The following LONP1 variants were observed in gnomAD, a reference collection of about 807,000 sequenced individuals.
LONP1 encodes lon peptidase 1, mitochondrial.
A neutral mutation model predicts 98.5 loss-of-function variants in LONP1; 31 were observed. The ratio of observed to expected loss-of-function variants is 0.31; its 90% CI spans 0.24 to 0.42. The LOEUF (loss-of-function observed/expected upper bound fraction) is 0.42, where lower values mean the gene tolerates loss of function less well. Ranked by LOEUF, LONP1 falls within the 20% of genes least tolerant of loss-of-function variation. LONP1 has a pLI of 1.00. For missense variants in LONP1, 1,336 were observed against 1,350.6 expected (o/e 0.99, Z 0.17); for synonymous variants, 781 against 594.7 (o/e 1.31, Z -4.56).
intron 15 of LONP1, 57 bp downstream of exon 15, chr19:5,694,330 T>C (rs2054884605): frequency 2.5e-6 from 4 of 1,597,494 alleles, no homozygotes; most frequent in Non-Finnish European, 3.4e-6. Context: ...TGGGACCTGC[T>C]TGTTCTCGGG....
intron 1 of LONP1, among the ~76,000 whole-genome samples, chr19:5,716,647 G>A (rs1180359015): frequency 6.6e-6 from 1 of 151,202 alleles, no homozygotes; most frequent in Non-Finnish European, 1.5e-5. Flanking sequence ...TGTTTGTTTA[G>A]AGACAGAACG....
At chr19:5,696,633 G>A (rs1471009517) in intron 11 of LONP1, 37 bp downstream of exon 11, 6 of 1,520,924 alleles carry the variant, frequency 3.9e-6, no homozygotes, top group African/African-American at 1.4e-5. Context: ...ACACGGCATT[G>A]CCGGGTTAGG....
Position 5,696,777 on chromosome 19 carries a change from TC to T in LONP1, c.1686-21del. 1 of 1,579,982 alleles carries T rather than the reference TC, an allele frequency of 6.3e-7. No homozygotes were observed. ...GTCCGCCTGTGGGTGCACAGCGGGG[TC>T]AGAGGTCACTTGGTAGCCTGGCTCG... On this transcript the variant is annotated intron_variant, in intron 10 of 17. Transcript: ENST00000360614.
At position 5,707,040 on chromosome 19, in the gene LONP1, C is replaced by T. The variant is rs781081825; in HGVS notation, c.1146+20G>A. 9.2e-5 allele frequency: 147 copies of T among 1,598,434 alleles called. No homozygotes were observed. The East Asian group carries it at 9.6e-4, about 10-fold the overall frequency. On this transcript the variant is annotated intron_variant, in intron 7 of 17. Transcript: ENST00000360614. ...AGGGGAAGGCCCCCAAGAGTGGCTG[C>T]GCCTCAGCCGCGGGCTCACCTCCCG...
chr19:5,695,892 G>A (rs1377015277), intron 13 of LONP1, among the ~76,000 whole-genome samples, 162 bp downstream of exon 13: 2 of 152,116 alleles, frequency 1.3e-5, no homozygotes, highest in African/African-American at 4.8e-5. Flanking sequence ...GCAGCTGCTC[G>A]CAAGCGTCTG....
In LONP1 at chr19:5,705,987, C is replaced by T. The variant is rs1392758235; in HGVS notation, c.1152G>A (p.Glu384=). The change falls in exon 8 of 18, where the codon GAG becomes GAA. Residue 384 remains glutamate (E), a synonymous_variant. Transcript: ENST00000360614. ...KLQQRLGREV[E]EKIKQTHRKY... is the part of the protein sequence containing the mutation. Reference sequence around the variant, plus strand: ...TACGGTGGGTCTGCTTGATCTTCTCCTCCACCTGTGGGGTGAGGTGCTGCC... The same window carrying T: ...TACGGTGGGTCTGCTTGATCTTCTCTTCCACCTGTGGGGTGAGGTGCTGCC... The T allele has an allele frequency of 1.2e-6, 2 of 1,611,122 alleles. No homozygotes were observed. Among genetic ancestry groups the T allele is most frequent in the Admixed American group, 1.7e-5 (1 of 59,982 alleles).
At chr19:5,695,070 A>G (rs909175345) in intron 13 of LONP1, among the ~76,000 whole-genome samples, 169 bp from the exon 14 acceptor site, 4 of 151,994 alleles carry the variant, frequency 2.6e-5, no homozygotes, top group Non-Finnish European at 5.9e-5. Context: ...CACCATGCCC[A>G]GAGGCCCCAG....
intron 4 of LONP1, among the ~76,000 whole-genome samples, chr19:5,710,173 T>TCTG (rs2055215195): frequency 6.7e-6 from 1 of 150,314 alleles, no homozygotes; most frequent in African/African-American, 2.4e-5. Context: ...AACCTCTGCC[T>TCTG]CCCAGGTTCA....
chr19:5,699,268 T>C, intron 9 of LONP1, 63 bp from the exon 10 acceptor site: 1 of 1,318,906 alleles, frequency 7.6e-7, no homozygotes, highest in Non-Finnish European at 1.0e-6. Context: ...CGCGCATGAC[T>C]CTCGCCACCT....
chr19:5,700,676 C>T (rs555313139), intron 9 of LONP1, 113 bp downstream of exon 9: 4 of 1,437,686 alleles, frequency 2.8e-6, no homozygotes, highest in African/African-American at 1.4e-5. Context: ...CCAGCACCCC[C>T]AGGCCTACGA....
chr19:5,709,964 G>A (rs2055211364), intron 4 of LONP1, among the ~76,000 whole-genome samples: 2 of 148,564 alleles, frequency 1.3e-5, no homozygotes, highest in Non-Finnish European at 3.0e-5. Flanking sequence ...AAGGGGTCTT[G>A]CCAGTTCTAA....
chr19:5,702,647 G>A (rs1406584063), intron 8 of LONP1, among the ~76,000 whole-genome samples: 2 of 152,254 alleles, frequency 1.3e-5, no homozygotes, highest in Admixed American at 1.3e-4. Context: ...GTAGACATGA[G>A]AGACTTTTCA....
At chr19:5,693,188 C>G in intron 17 of LONP1, 110 bp downstream of exon 17, 2 of 1,375,554 alleles carry the variant, frequency 1.5e-6, no homozygotes, top group African/African-American at 1.4e-5. Flanking sequence ...TTCCAAAGCC[C>G]AGGGCTTCCC....
intron 10 of LONP1, 76 bp from the exon 11 acceptor site, chr19:5,696,833 C>T (rs777943166): frequency 3.0e-6 from 3 of 993,804 alleles, no homozygotes; most frequent in Non-Finnish European, 4.6e-6. Context: ...CCCTCCAGGG[C>T]CACAGGGGAG....
At chr19:5,710,320 C>G (rs1421898700) in intron 4 of LONP1, among the ~76,000 whole-genome samples, 1 of 151,910 alleles carries the variant, frequency 6.6e-6, no homozygotes, top group African/African-American at 2.4e-5. Flanking sequence ...AACTCCTGAC[C>G]TCAGGTGATC....
intron 8 of LONP1, among the ~76,000 whole-genome samples, chr19:5,702,420 G>T (rs559611406): frequency 6.7e-6 from 1 of 148,842 alleles, no homozygotes; most frequent in South Asian, 2.1e-4. Flanking sequence ...CTGCCCGGCC[G>T]CCCCTACTGG....
chr19:5,694,333 T>C (rs974136546), intron 15 of LONP1, 54 bp downstream of exon 15: 1 of 1,598,598 alleles, frequency 6.3e-7, no homozygotes, highest in African/African-American at 1.3e-5. Context: ...GACCTGCTTG[T>C]TCTCGGGTAG....
At position 5,714,169 on chromosome 19, in the gene LONP1, A is replaced by AAAATCACACTTACCTGTCATCTCTCTTT; in HGVS notation, c.504_518+13dup. ...GCACCGTCAACAAGGGAATGAAGGA[A>AAAATCACACTTACCTGTCATCTCTCTTT]AAATCACACTTACCTGTCATCTCTC... On this transcript the variant is annotated intron_variant, in intron 2 of 17. Coordinates refer to ENST00000360614, the MANE Select transcript of LONP1 (RefSeq NM_004793.4). 1 of 1,608,284 alleles carries AAAATCACACTTACCTGTCATCTCTCTTT rather than the reference A, an allele frequency of 6.2e-7. No individual in the cohort carries two copies. The highest frequency in any genetic ancestry group is 8.5e-7 in the Non-Finnish European group (1 of 1,176,230).
intron 7 of LONP1, among the ~76,000 whole-genome samples, chr19:5,706,590 G>A (rs192900260): frequency 1.6e-4 from 25 of 152,200 alleles, no homozygotes; most frequent in Admixed American, 2.0e-4. Flanking sequence ...CTAGGTGGCC[G>A]ACTGAGACCC....
Sources: gnomAD v4.1 joint callset for allele counts (sites outside exome capture counted in the v4.1 genomes callset) on GRCh38, gnomAD v4.1.1 for gene constraint, MANE v1.5 for transcripts, NCBI Gene and HGNC (gene_info 2026-07-23, HGNC 2026-07-21) for gene names.